The following KCND2 variants were observed in gnomAD, a reference collection of about 807,000 sequenced individuals.
The protein encoded by KCND2 is potassium voltage-gated channel subfamily D member 2.
In KCND2, 16 loss-of-function variants were observed where a neutral mutation model predicts 54.4. The ratio of observed to expected loss-of-function variants is 0.29; its 90% CI spans 0.20 to 0.45. The LOEUF is 0.45. KCND2 is among the 20% of genes least tolerant of loss of function. The pLI is 1.00. For synonymous variants in KCND2, 317 were observed against 310.7 expected, an observed-to-expected ratio of 1.02 and a Z score of -0.21; for missense variants, 486 against 824.2, an observed-to-expected ratio of 0.59 and a Z score of 5.02.
At position 120,702,090 on chromosome 7, in the gene KCND2, A is replaced by G. The variant is rs1238587246; in HGVS notation, c.1116-30813A>G. On this transcript the variant is annotated intron_variant, in intron 1 of 5. Coordinates refer to ENST00000331113, the MANE Select transcript of KCND2 (RefSeq NM_012281.3). ...GTCTAATATCCAGCATCTGAGAGGAACTTAAACAAATTTACAAGAAAAAAA... is the reference window on the plus strand; with the variant it reads ...GTCTAATATCCAGCATCTGAGAGGAGCTTAAACAAATTTACAAGAAAAAAA... 3.3e-5 allele frequency among the ~76,000 whole-genome samples: 5 copies of G among 152,308 alleles called. No homozygotes were observed. In the South Asian group the frequency reaches 6.2e-4, roughly 19 times the overall value.
intron 1 of KCND2, among the ~76,000 whole-genome samples, chr7:120,320,853 G>A (rs1799884919): frequency 6.6e-6 from 1 of 152,102 alleles, no homozygotes; most frequent in African/African-American, 2.4e-5. Flanking sequence ...AATGCAGGAA[G>A]AGCAAGTTTA....
At chr7:120,283,197 C>G (rs1584710988) in intron 1 of KCND2, among the ~76,000 whole-genome samples, 1 of 152,092 alleles carries the variant, frequency 6.6e-6, no homozygotes, top group African/African-American at 2.4e-5. Context: ...TCAATTCTAT[C>G]TAATGTCCCT....
chr7:120,364,536 A>G (rs911190532), intron 1 of KCND2, among the ~76,000 whole-genome samples: 1 of 152,124 alleles, frequency 6.6e-6, no homozygotes, highest in East Asian at 1.9e-4. Context: ...GATTAATGCA[A>G]TAGGTATAGG....
intron 1 of KCND2, among the ~76,000 whole-genome samples, chr7:120,696,680 G>A (rs145751359): frequency 1.3e-5 from 2 of 152,270 alleles, no homozygotes; most frequent in East Asian, 3.9e-4. Context: ...ACTGTCAGAG[G>A]TTCTTGTTAT....
intron 1 of KCND2, among the ~76,000 whole-genome samples, chr7:120,628,788 C>T (rs1793192372): frequency 6.6e-6 from 1 of 152,112 alleles, no homozygotes; most frequent in Non-Finnish European, 1.5e-5. Context: ...CAGGAAACTT[C>T]TATAATTAAA....
At chr7:120,695,498 A>G (rs1426173682) in intron 1 of KCND2, among the ~76,000 whole-genome samples, 3 of 152,202 alleles carry the variant, frequency 2.0e-5, no homozygotes, top group Non-Finnish European at 4.4e-5. Context: ...CTGGTTGTCT[A>G]CTATAATATC....
intron 1 of KCND2, among the ~76,000 whole-genome samples, chr7:120,580,265 G>A (rs994507647): frequency 2.0e-5 from 3 of 152,162 alleles, no homozygotes; most frequent in African/African-American, 4.8e-5. Flanking sequence ...AGAACAACTC[G>A]TTATCCAACT....
intron 1 of KCND2, among the ~76,000 whole-genome samples, chr7:120,406,586 C>A (rs1386604861): frequency 6.6e-6 from 1 of 151,856 alleles, no homozygotes; most frequent in South Asian, 2.1e-4. Flanking sequence ...ACAGCAATAG[C>A]TGATTAATAG....
intron 1 of KCND2, among the ~76,000 whole-genome samples, chr7:120,722,760 C>T (rs1584896522): frequency 6.6e-6 from 1 of 152,238 alleles, no homozygotes; most frequent in African/African-American, 2.4e-5. Context: ...AATTAAATAG[C>T]TGCACTTCTT....
intron 1 of KCND2, among the ~76,000 whole-genome samples, chr7:120,397,821 AAATAT>A (rs1191897401): frequency 2.6e-5 from 4 of 151,524 alleles, no homozygotes; most frequent in African/African-American, 9.7e-5. Context: ...CTACCTATTT[AAATAT>A]ATTTGTGTAG....
intron 1 of KCND2, among the ~76,000 whole-genome samples, chr7:120,601,616 G>A (rs1792814551): frequency 6.6e-6 from 1 of 152,096 alleles, no homozygotes; most frequent in South Asian, 2.1e-4. Flanking sequence ...AGTGCAGGTG[G>A]CAGCTAAAGA....
intron 1 of KCND2, among the ~76,000 whole-genome samples, chr7:120,310,499 C>T (rs1202371128): frequency 6.6e-6 from 1 of 152,060 alleles, no homozygotes; most frequent in Non-Finnish European, 1.5e-5. Context: ...GTCTGGCTCA[C>T]AACATGCAGA....
intron 1 of KCND2, among the ~76,000 whole-genome samples, chr7:120,628,369 A>G (rs1793187529): frequency 6.6e-6 from 1 of 152,228 alleles, no homozygotes. Context: ...AGTTACTGTA[A>G]CAAAAACACA....
Position 120,732,936 on chromosome 7 carries a change from G to A in KCND2, c.1149G>A (p.Gly383=). ...YGDMVPKTIA[G]KIFGSICSLS... is the part of the protein sequence containing the mutation. ...ACATGGTGCCAAAAACCATAGCAGG[G>A]AAGATTTTTGGTTCTATCTGTTCGC... Residue 383 remains glycine, a synonymous_variant, in exon 2 of 6, where the codon GGG becomes GGA. Transcript: ENST00000331113. 2 of 1,613,578 alleles carry A rather than the reference G, an allele frequency of 1.2e-6. No individual in the cohort carries two copies. The highest frequency in any genetic ancestry group is 1.7e-6 in the Non-Finnish European group (2 of 1,179,676).
chr7:120,607,221 A>G (rs916524243), intron 1 of KCND2, among the ~76,000 whole-genome samples: 57 of 151,896 alleles, frequency 3.8e-4, no homozygotes, highest in East Asian at 1.4e-3. Context: ...AATGTTGCCC[A>G]TATTGTTGCA....
At chr7:120,575,019 C>T (rs959515682) in intron 1 of KCND2, among the ~76,000 whole-genome samples, 20 of 151,870 alleles carry the variant, frequency 1.3e-4, no homozygotes, top group African/African-American at 4.6e-4. Flanking sequence ...AAATAAACAA[C>T]GACTCTTATA....
chr7:120,728,065 C>T (rs1792757052), intron 1 of KCND2, among the ~76,000 whole-genome samples: 1 of 143,556 alleles, frequency 7.0e-6, no homozygotes, highest in South Asian at 2.2e-4. Context: ...ACCCAGGAGG[C>T]AGAGGTTGCA....
intron 1 of KCND2, among the ~76,000 whole-genome samples, chr7:120,492,127 C>A (rs1295847917): frequency 6.6e-6 from 1 of 151,926 alleles, no homozygotes; most frequent in Non-Finnish European, 1.5e-5. Flanking sequence ...TTCTCTGGAT[C>A]TTGGAACACT....
intron 1 of KCND2, among the ~76,000 whole-genome samples, chr7:120,662,585 A>G (rs1402248506): frequency 6.6e-6 from 1 of 152,228 alleles, no homozygotes; most frequent in Non-Finnish European, 1.5e-5. Flanking sequence ...TGTGAGGGGA[A>G]GCACACTGAA....
Sources: gnomAD v4.1 joint callset for allele counts (sites outside exome capture counted in the v4.1 genomes callset) on GRCh38, gnomAD v4.1.1 for gene constraint, MANE v1.5 for transcripts, NCBI Gene and HGNC (gene_info 2026-07-23, HGNC 2026-07-21) for gene names.